The following BCKDHB variants were observed in gnomAD, a reference collection of about 807,000 sequenced individuals.
BCKDHB encodes the protein branched chain keto acid dehydrogenase E1 subunit beta.
In BCKDHB, 41 loss-of-function variants were observed where a neutral mutation model predicts 48.5. That is an observed-to-expected ratio of 0.85 (90% CI 0.66 to 1.10). The LOEUF (loss-of-function observed/expected upper bound fraction) is 1.10, where lower values mean the gene tolerates loss of function less well. Among genes scored for constraint, BCKDHB ranks in the 50% least tolerant of loss-of-function variants. The pLI is 0.00. For synonymous variants in BCKDHB, 201 were observed against 174.8 expected (o/e 1.15, Z -1.18); for missense variants, 496 against 494.2 (o/e 1.00, Z -0.03).
In BCKDHB at chr6:80,301,686, G is replaced by A. The variant is rs1292221510; in HGVS notation, c.1038+28465G>A. ...AGCATCAGCCTGATACCAAAATCTC[G>A]CAGAGACACAACAACAAAAGAACAC... On this transcript the variant is annotated intron_variant, in intron 9 of 9. Transcript: ENST00000320393. Among the ~76,000 whole-genome samples, 9 of 151,960 alleles carry A rather than the reference G, an allele frequency of 5.9e-5. No homozygotes were observed. In the South Asian group the frequency reaches 1.0e-3, roughly 18 times the overall value.
chr6:80,190,745 G>A (rs1773854858), intron 6 of BCKDHB, among the ~76,000 whole-genome samples: 1 of 152,128 alleles, frequency 6.6e-6, no homozygotes, highest in African/African-American at 2.4e-5. Context: ...CCTCACACTT[G>A]CCCTTCTGTG....
At chr6:80,210,607 G>A (rs867591306) in intron 8 of BCKDHB, among the ~76,000 whole-genome samples, 14 of 152,166 alleles carry the variant, frequency 9.2e-5, no homozygotes, top group Middle Eastern at 3.4e-3. Context: ...ATAAAAAGAA[G>A]CACTATCTTC....
Position 80,295,350 on chromosome 6 carries a change from G to A in BCKDHB, c.1038+22129G>A, listed in dbSNP as rs1562210447. ...AATCATGGCAGAAGACAAAGGAGGA[G>A]CAAAGTCACATCTCGTGTGGTGGCA... On this transcript the variant is annotated intron_variant, in intron 9 of 9. Coordinates refer to ENST00000320393, the MANE Select transcript of BCKDHB (RefSeq NM_183050.4). 2.0e-5 allele frequency among the ~76,000 whole-genome samples: 3 copies of A among 152,120 alleles called. 1 individual carries two copies.
intron 8 of BCKDHB, among the ~76,000 whole-genome samples, chr6:80,229,585 T>A (rs1775821020): frequency 6.6e-6 from 1 of 152,100 alleles, no homozygotes; most frequent in African/African-American, 2.4e-5. Flanking sequence ...AGAGTCTAAA[T>A]AATTAGACTA....
At chr6:80,422,017 G>A in the BCKDHB span, among the ~76,000 whole-genome samples, 2 of 152,158 alleles carry the variant, frequency 1.3e-5, no homozygotes, top group African/African-American at 4.8e-5. Flanking sequence ...TGAGAAAAAT[G>A]TCTCCAGAGC....
chr6:80,198,962 C>T (rs1271825512), intron 6 of BCKDHB, among the ~76,000 whole-genome samples: 1 of 152,168 alleles, frequency 6.6e-6, no homozygotes, highest in East Asian at 1.9e-4. Flanking sequence ...TGGCAACTGT[C>T]AGTCTGAATC....
chr6:80,366,307 TG>T, the BCKDHB span, among the ~76,000 whole-genome samples: 98 of 152,298 alleles, frequency 6.4e-4, no homozygotes, highest in African/African-American at 2.3e-3. Context: ...GGACACAATT[TG>T]ATCTTGGGGA....
rs561598737 is a variant in BCKDHB, at chr6:80,230,994, A to G, written c.951+27782A>G. Among the ~76,000 whole-genome samples the G allele has an allele frequency of 2.6e-5, 4 of 152,348 alleles. No homozygotes were observed. In the East Asian group the frequency reaches 5.8e-4, roughly 22 times the overall value. ...TTCAAACCAATGCAAGCGCAGAAGC[A>G]GTTGTAAGTAATAAATAAATCAGTG... On this transcript the variant is annotated intron_variant, in intron 8 of 9. Coordinates refer to ENST00000320393, the MANE Select transcript of BCKDHB (RefSeq NM_183050.4).
At chr6:80,213,564 A>T (rs1775036172) in intron 8 of BCKDHB, among the ~76,000 whole-genome samples, 1 of 152,014 alleles carries the variant, frequency 6.6e-6, no homozygotes, top group Non-Finnish European at 1.5e-5. Flanking sequence ...CTCTGTTCAA[A>T]TACACCCTGT....
intron 3 of BCKDHB, among the ~76,000 whole-genome samples, chr6:80,140,108 C>G (rs544386398): frequency 1.2e-4 from 18 of 152,176 alleles, no homozygotes; most frequent in African/African-American, 4.1e-4. Context: ...CTCTGTTTGT[C>G]TTTTATTGGT....
intron 3 of BCKDHB, among the ~76,000 whole-genome samples, chr6:80,158,752 G>C (rs1023699100): frequency 6.6e-6 from 1 of 152,186 alleles, no homozygotes; most frequent in African/African-American, 2.4e-5. Flanking sequence ...GAAGTTCACT[G>C]CAGATAAAAC....
the BCKDHB span, among the ~76,000 whole-genome samples, chr6:80,416,127 T>C: frequency 2.0e-5 from 3 of 152,156 alleles, no homozygotes; most frequent in East Asian, 5.8e-4. Flanking sequence ...ATCCCTCTTG[T>C]CATTTCTGAT....
intron 6 of BCKDHB, among the ~76,000 whole-genome samples, chr6:80,187,110 G>A (rs1165850589): frequency 6.6e-6 from 1 of 152,148 alleles, no homozygotes; most frequent in East Asian, 1.9e-4. Context: ...CTGTCCAAAT[G>A]GGAGCTACAT....
intron 9 of BCKDHB, among the ~76,000 whole-genome samples, chr6:80,333,704 G>T (rs1270474465): frequency 2.0e-5 from 3 of 152,080 alleles, no homozygotes; most frequent in Non-Finnish European, 4.4e-5. Context: ...CAAGTAAGTA[G>T]ATAAAAATTA....
chr6:80,183,163 C>T (rs904023765), intron 6 of BCKDHB, among the ~76,000 whole-genome samples: 1 of 152,104 alleles, frequency 6.6e-6, no homozygotes, highest in Non-Finnish European at 1.5e-5. Flanking sequence ...CTTGCTTTCT[C>T]TAAGCCCCAT....
At chr6:80,315,118 A>T (rs6921689) in intron 9 of BCKDHB, among the ~76,000 whole-genome samples, 32,987 of 152,060 alleles carry the variant, frequency 0.22, 4,489 homozygotes, top group Non-Finnish European at 0.31. Context: ...GACACTGCTC[A>T]GCTCCCTAGA....
intron 8 of BCKDHB, among the ~76,000 whole-genome samples, chr6:80,239,772 T>C (rs1437916679): frequency 1.3e-5 from 2 of 152,198 alleles, no homozygotes; most frequent in Non-Finnish European, 2.9e-5. Flanking sequence ...CTTGAATTAA[T>C]TTTTGTGTAA....
chr6:80,184,061 G>A (rs544766768), intron 6 of BCKDHB, among the ~76,000 whole-genome samples: 4 of 152,186 alleles, frequency 2.6e-5, no homozygotes, highest in Non-Finnish European at 5.9e-5. Flanking sequence ...TCCATGTGCA[G>A]GTTTTGGTGT....
At position 80,168,060 on chromosome 6, in the gene BCKDHB, A is replaced by G. The variant is rs564146761; in HGVS notation, c.477+249A>G. Among the ~76,000 whole-genome samples the G allele has an allele frequency of 2.6e-5, 4 of 152,190 alleles. No homozygotes were observed. In the South Asian group the frequency reaches 8.3e-4, roughly 32 times the overall value. On this transcript the variant is annotated intron_variant, in intron 4 of 9. Coordinates refer to ENST00000320393, the MANE Select transcript of BCKDHB (RefSeq NM_183050.4). ...TTTGGGAGGCCAGGGTGGGAGGATC[A>G]CTTGAGGCCAAGAGTTCAACACCAT...
Sources: allele counts gnomAD v4.1 joint callset (sites outside exome capture counted in the v4.1 genomes callset), GRCh38; gene constraint gnomAD v4.1.1; transcripts MANE v1.5; gene names NCBI Gene and HGNC (gene_info 2026-07-23, HGNC 2026-07-21).